The following PMPCB variants were observed in gnomAD, a reference collection of about 807,000 sequenced individuals.
The protein encoded by PMPCB is mitochondrial-processing peptidase subunit beta.
Under a neutral mutation model 61.5 loss-of-function variants are expected in PMPCB, and 46 were observed. That is an observed-to-expected ratio of 0.75 (90% CI 0.59 to 0.96). PMPCB has a LOEUF of 0.96. Among genes scored for constraint, PMPCB ranks in the 40% least tolerant of loss-of-function variants. The pLI is 0.00. For missense variants in PMPCB, 590 were observed against 602.4 expected (o/e 0.98, Z 0.22); for synonymous variants, 191 against 201.6 (o/e 0.95, Z 0.44).
intron 12 of PMPCB, among the ~76,000 whole-genome samples, chr7:103,326,030 G>C (rs1250153148): frequency 1.3e-5 from 2 of 151,986 alleles, no homozygotes; most frequent in Non-Finnish European, 2.9e-5. Context: ...GTCTTGCTCA[G>C]TGTAGTGGCA....
intron 12 of PMPCB, chr7:103,327,798 C>A: frequency 1.5e-6 from 2 of 1,333,772 alleles, no homozygotes; most frequent in South Asian, 1.2e-5. Flanking sequence ...CTTTAAGCAC[C>A]AAAAATAAAG....
chr7:103,308,878 A>AT (rs980419277), intron 7 of PMPCB, 74 bp from the exon 8 acceptor site: 4 of 1,265,546 alleles, frequency 3.2e-6, no homozygotes, highest in African/African-American at 3.1e-5. Context: ...GGGACTGGTG[A>AT]TTTTTTCCTT....
rs577260706 is a variant in PMPCB, at chr7:103,324,050, A to ATTTTT, written c.*1432-4880_*1432-4876dup. 2.8e-3 allele frequency among the ~76,000 whole-genome samples: 429 copies of ATTTTT among 152,280 alleles called. 4 individuals are homozygous for ATTTTT. Among genetic ancestry groups the ATTTTT allele is most frequent in the African/African-American group, 9.9e-3 (412 of 41,552 alleles). On this transcript the variant is annotated intron_variant and NMD_transcript_variant, in intron 12 of 12. Transcript: ENST00000444457. ...ACAACTGATAGAACTAAATCTTGTT[A>ATTTTT]TTTTTGTTCTATGTGATTTTATGTT...
At chr7:103,297,662 C>T (rs768595597) in intron 1 of PMPCB, 104 bp downstream of exon 1, 1 of 1,551,606 alleles carries the variant, frequency 6.4e-7, no homozygotes, top group Non-Finnish European at 8.7e-7. Flanking sequence ...TCGGGCAGGG[C>T]CTCCTCGACC....
intron 1 of PMPCB, chr7:103,297,988 A>G (rs1252636582): frequency 1.8e-6 from 2 of 1,138,778 alleles, no homozygotes; most frequent in Non-Finnish European, 2.2e-6. Flanking sequence ...TTTTCTCATG[A>G]GAGAGCCTCT....
intron 6 of PMPCB, 77 bp downstream of exon 6, chr7:103,304,567 G>T: frequency 1.1e-6 from 1 of 921,734 alleles, no homozygotes; most frequent in Non-Finnish European, 1.8e-6. Flanking sequence ...GATCCTGTTG[G>T]GAGATACCCT....
At chr7:103,320,770 T>C in intron 12 of PMPCB, 3 of 164,220 alleles carry the variant, frequency 1.8e-5, no homozygotes, top group South Asian at 2.7e-4. Context: ...CACATATATA[T>C]ATATATATAT....
At chr7:103,333,137 G>C (rs1167817145), downstream of PMPCB, among the ~76,000 whole-genome samples, 1 of 151,612 alleles carries the variant, frequency 6.6e-6, no homozygotes, top group Non-Finnish European at 1.5e-5. Flanking sequence ...TTGGACTTTG[G>C]AGTTTTGGAT....
intron 12 of PMPCB, chr7:103,321,835 G>A (rs1042787668): frequency 1.9e-5 from 27 of 1,399,752 alleles, no homozygotes; most frequent in African/African-American, 1.0e-4. Flanking sequence ...GCGACAGAGC[G>A]AGACCCCATC....
At chr7:103,319,512 A>T, downstream of PMPCB, 1 of 1,100,280 alleles carries the variant, frequency 9.1e-7, no homozygotes, top group Non-Finnish European at 1.4e-6. Context: ...GAAATCAGAT[A>T]CTCCCTGCAC....
chr7:103,325,461 A>AG (rs397808523), intron 12 of PMPCB, among the ~76,000 whole-genome samples: 3 of 151,310 alleles, frequency 2.0e-5, no homozygotes, highest in Admixed American at 6.6e-5. Flanking sequence ...AAAAAAAAAA[A>AG]CCAAAAAACA....
intron 8 of PMPCB, among the ~76,000 whole-genome samples, chr7:103,310,063 G>A (rs1932838768): frequency 6.6e-6 from 1 of 152,120 alleles, no homozygotes; most frequent in Non-Finnish European, 1.5e-5. Context: ...TTTAGAAGTA[G>A]GTATAGCTAC....
downstream of PMPCB, among the ~76,000 whole-genome samples, chr7:103,317,884 CAG>C (rs1400192110): frequency 2.6e-5 from 4 of 152,308 alleles, no homozygotes; most frequent in African/African-American, 9.6e-5. Context: ...CTCCTGACCT[CAG>C]GGGATCTGTC....
Position 103,297,554 on chromosome 7 carries a change from G to T in PMPCB, c.95G>T (p.Gly32Val). Residue 32 changes from glycine (G) to valine (V), a missense_variant, in exon 1 of 13, where the codon GGA (glycine) becomes GTA (valine). Coordinates refer to ENST00000249269, the MANE Select transcript of PMPCB (RefSeq NM_004279.3). ...AGTCTTCTAATCCGAGGCGCTGCGG[G>T]ACGGGTGAGCTTCCCTCCAGGCCGG... Reference protein sequence around the residue: ...SESLLIRGAAGRSLYFGENRL... With the variant: ...SESLLIRGAAVRSLYFGENRL... The T allele has an allele frequency of 1.9e-6, 3 of 1,610,954 alleles. No homozygotes were observed. Among genetic ancestry groups the T allele is most frequent in the Non-Finnish European group, 2.5e-6 (3 of 1,178,084 alleles).
chr7:103,314,061 C>G lies in PMPCB; in HGVS notation c.*1790C>G. On this transcript the variant is annotated 3_prime_UTR_variant, in exon 13 of 13. Transcript: ENST00000249269. Reference sequence around the variant, plus strand: ...AAACAAAACAAAACCACCACCTATTCAAAACAAAGCAGAGAATTTGTATAA... The same window carrying G: ...AAACAAAACAAAACCACCACCTATTGAAAACAAAGCAGAGAATTTGTATAA... The G allele has an allele frequency of 1.0e-6, 1 of 985,344 alleles. No homozygotes were observed. Among genetic ancestry groups the G allele is most frequent in the Non-Finnish European group, 1.2e-6 (1 of 829,904 alleles). 61.0% of individuals were successfully genotyped at this position (985,344 alleles called of 1,614,324 possible).
At position 103,300,215 on chromosome 7, in the gene PMPCB, A is replaced by T; in HGVS notation, c.365A>T (p.Glu122Val). The change falls in exon 4 of 13, where the codon GAG becomes GTG. Residue 122 changes from glutamate to valine, a missense_variant. Physicochemically the swap from Glu to Val is moderately radical, Grantham distance 121. Coordinates refer to ENST00000249269, the MANE Select transcript of PMPCB (RefSeq NM_004279.3). ...KKRSQLDLEL[E>V]IENMGAHLNA... ...AGATCCCAGTTAGATCTGGAACTTG[A>T]GATTGAAAATATGGGTGCTCATCTC... is the stretch of plus-strand genomic sequence containing the variant. 1 of 1,613,026 alleles carries T rather than the reference A, an allele frequency of 6.2e-7. No homozygotes were observed. The highest frequency in any genetic ancestry group is 1.3e-5 in the African/African-American group (1 of 75,034).
downstream of PMPCB, among the ~76,000 whole-genome samples, chr7:103,317,938 A>G (rs930956352): frequency 7.0e-6 from 1 of 143,542 alleles, no homozygotes; most frequent in East Asian, 2.0e-4. Flanking sequence ...GGCATGAGCC[A>G]CCACGCTCAT....
At chr7:103,346,617 A>G in the PMPCB span, among the ~76,000 whole-genome samples, 1 of 152,220 alleles carries the variant, frequency 6.6e-6, no homozygotes, top group Non-Finnish European at 1.5e-5. Flanking sequence ...AACTGAAACT[A>G]TGCCAGTGGA....
chr7:103,316,888 C>T (rs1297257628), downstream of PMPCB: 2 of 1,614,010 alleles, frequency 1.2e-6, no homozygotes, highest in East Asian at 4.5e-5. Flanking sequence ...TGTAGATCAT[C>T]TTCTGACCAA....
Sources: gnomAD v4.1 joint callset for allele counts (sites outside exome capture counted in the v4.1 genomes callset) on GRCh38, gnomAD v4.1.1 for gene constraint, MANE v1.5 for transcripts, NCBI Gene and HGNC (gene_info 2026-07-23, HGNC 2026-07-21) for gene names.